Variants in NAT10 observed in about 807,000 individuals in gnomAD.
NAT10 encodes the protein N-acetyltransferase 10.
NAT10 carries 109 observed loss-of-function variants against 132.2 expected under a neutral mutation model. The observed-to-expected ratio is 0.82, with a 90% CI of 0.71 to 0.97. NAT10 has a LOEUF of 0.97. Among genes scored for constraint, NAT10 ranks in the 50% least tolerant of loss-of-function variants. The pLI, the probability that NAT10 is intolerant of heterozygous loss-of-function variation, is 0.00. For missense variants in NAT10, 1,184 were observed against 1,263.4 expected (o/e 0.94, Z 0.95); for synonymous variants, 479 against 478.0 (o/e 1.00, Z -0.03).
chr11:34,108,910 C>A, intron 3 of NAT10, 77 bp downstream of exon 3: 1 of 1,346,296 alleles, frequency 7.4e-7, no homozygotes, highest in Non-Finnish European at 1.0e-6. Context: ...ATGATTCCTT[C>A]ACATATTTTT....
chr11:34,109,586 C>G (rs1202454907), intron 3 of NAT10, among the ~76,000 whole-genome samples: 1 of 152,238 alleles, frequency 6.6e-6, no homozygotes, highest in Non-Finnish European at 1.5e-5. Flanking sequence ...TCTACCAGTT[C>G]ACTGCTGTAT....
At chr11:34,110,020 A>G (rs940736282) in intron 3 of NAT10, among the ~76,000 whole-genome samples, 5 of 152,248 alleles carry the variant, frequency 3.3e-5, no homozygotes, top group Middle Eastern at 3.4e-3. Flanking sequence ...TCTACCTACA[A>G]CTTTGTGTTT....
intron 16 of NAT10, 148 bp from the exon 17 acceptor site, chr11:34,134,171 C>A: frequency 3.0e-6 from 2 of 668,096 alleles, no homozygotes; most frequent in Non-Finnish European, 2.7e-6. Flanking sequence ...CTCAAAAGAG[C>A]GGGGGGAATG....
At chr11:34,124,791 C>T (rs1851956543) in intron 11 of NAT10, among the ~76,000 whole-genome samples, 1 of 152,192 alleles carries the variant, frequency 6.6e-6, no homozygotes, top group Non-Finnish European at 1.5e-5. Flanking sequence ...AAGAACTTTG[C>T]AAAATGTGCT....
intron 6 of NAT10, among the ~76,000 whole-genome samples, chr11:34,116,788 T>C (rs1851790935): frequency 6.6e-6 from 1 of 152,124 alleles, no homozygotes; most frequent in African/African-American, 2.4e-5. Flanking sequence ...AGAGACAAGG[T>C]TTCACCATGT....
At chr11:34,123,105 TGAACCTA>T (rs1328931583) in intron 9 of NAT10, among the ~76,000 whole-genome samples, 1 of 152,240 alleles carries the variant, frequency 6.6e-6, no homozygotes, top group Non-Finnish European at 1.5e-5. Flanking sequence ...GCCATAATAA[TGAACCTA>T]GAACTTACTG....
At chr11:34,129,800 G>C (rs1416657740) in intron 12 of NAT10, among the ~76,000 whole-genome samples, 1 of 151,218 alleles carries the variant, frequency 6.6e-6, no homozygotes, top group Non-Finnish European at 1.5e-5. Context: ...GTGGAGACGG[G>C]GTTTCACCAT....
At chr11:34,123,445 G>A (rs888403028) in intron 9 of NAT10, among the ~76,000 whole-genome samples, 2 of 152,266 alleles carry the variant, frequency 1.3e-5, no homozygotes, top group African/African-American at 2.4e-5. Context: ...CCATTTGAAA[G>A]CGTCAGCACA....
chr11:34,129,727 G>A (rs1432400426), intron 12 of NAT10, among the ~76,000 whole-genome samples: 1 of 147,646 alleles, frequency 6.8e-6, no homozygotes, highest in Non-Finnish European at 1.5e-5. Context: ...TCCTGCCTCA[G>A]CCTCTTGAGT....
At chr11:34,129,599 CTTTTTTT>C (rs71037399) in intron 12 of NAT10, among the ~76,000 whole-genome samples, 5 of 56,694 alleles carry the variant, frequency 8.8e-5, no homozygotes, top group Admixed American at 8.7e-4. Flanking sequence ...TCTTCTTCTT[CTTTTTTT>C]TTTTTTTTTT....
intron 21 of NAT10, 90 bp from the exon 22 acceptor site, chr11:34,139,101 C>T (rs1289257528): frequency 1.6e-6 from 2 of 1,252,982 alleles, no homozygotes; most frequent in East Asian, 4.7e-5. Context: ...AGCACTAAGC[C>T]TTTCTTCTCT....
intron 8 of NAT10, among the ~76,000 whole-genome samples, chr11:34,119,782 C>T (rs918756053): frequency 6.6e-6 from 1 of 152,196 alleles, no homozygotes; most frequent in African/African-American, 2.4e-5. Flanking sequence ...CCCTGTTAGA[C>T]ATTTCGATTG....
chr11:34,112,207 G>T lies in NAT10; in HGVS notation c.356G>T (p.Gly119Val). 3.7e-6 allele frequency: 6 copies of T among 1,614,192 alleles called. No homozygotes were observed. The highest frequency in any genetic ancestry group is 5.1e-6 in the Non-Finnish European group (6 of 1,180,030). The change falls in exon 4 of 29, where the codon GGC (glycine) becomes GTC (valine). Residue 119 changes from glycine (G) to valine (V), a missense_variant. Transcript: ENST00000257829. ...CACAAGATCCTGGGCAATACCTTCGGCATGTGTGTGCTGCAGGTGGGTGGC... is the reference window on the plus strand; with the variant it reads ...CACAAGATCCTGGGCAATACCTTCGTCATGTGTGTGCTGCAGGTGGGTGGC... ...ETHKILGNTF[G>V]MCVLQDFEAL...
intron 21 of NAT10, among the ~76,000 whole-genome samples, chr11:34,138,360 G>A (rs1852256139): frequency 1.3e-5 from 2 of 152,154 alleles, no homozygotes; most frequent in South Asian, 2.1e-4. Context: ...GGAGTCCATC[G>A]GCTGAGAGGG....
rs754350515 is a variant in NAT10, at chr11:34,108,761, T to C, written c.128T>C (p.Met43Thr). 2.5e-6 allele frequency: 4 copies of C among 1,613,250 alleles called. No individual in the cohort carries two copies. Among genetic ancestry groups the C allele is most frequent in the Non-Finnish European group, 2.5e-6 (3 of 1,179,774 alleles). Residue 43 changes from methionine (M) to threonine (T), a missense_variant, in exon 3 of 29, where the codon ATG becomes ACG. By Grantham distance (81) the Met-to-Thr change is moderately conservative. Coordinates refer to ENST00000257829, the MANE Select transcript of NAT10 (RefSeq NM_024662.3). The stretch of plus-strand genomic sequence containing the variant: ...TGGCAGGTGGTAATACTTCATCACA[T>C]GTTATCCAAAGCAACTGTGAAGGCT... ...GKDQVVILHHMLSKATVKARP... is the reference protein window; with the variant it reads ...GKDQVVILHHTLSKATVKARP...
chr11:34,139,089 G>A, intron 21 of NAT10, 102 bp from the exon 22 acceptor site: 1 of 1,094,662 alleles, frequency 9.1e-7, no homozygotes, highest in Non-Finnish European at 1.4e-6. Context: ...GAGGCCTGCG[G>A]AAGCACTAAG....
intron 18 of NAT10, among the ~76,000 whole-genome samples, 180 bp from the exon 19 acceptor site, chr11:34,134,995 A>T (rs115657976): frequency 6.6e-6 from 1 of 152,184 alleles, no homozygotes; most frequent in African/African-American, 2.4e-5. Flanking sequence ...CTCGGGTCAC[A>T]CTACTTTCAG....
chr11:34,144,948 G>A (rs570562187), intron 28 of NAT10, among the ~76,000 whole-genome samples: 1 of 152,230 alleles, frequency 6.6e-6, no homozygotes, highest in African/African-American at 2.4e-5. Context: ...CAGAGTCTCC[G>A]TTAGTCACTG....
intron 21 of NAT10, among the ~76,000 whole-genome samples, chr11:34,137,589 C>T (rs750544655): frequency 5.3e-5 from 8 of 152,144 alleles, no homozygotes; most frequent in Admixed American, 1.3e-4. Flanking sequence ...CAGGAGGGCA[C>T]GGAGCTCTTG....
Sources: allele counts gnomAD v4.1 joint callset (sites outside exome capture counted in the v4.1 genomes callset), GRCh38; gene constraint gnomAD v4.1.1; transcripts MANE v1.5; gene names NCBI Gene and HGNC (gene_info 2026-07-23, HGNC 2026-07-21).